The following PACRG variants were observed in gnomAD, a reference collection of about 807,000 sequenced individuals.
PACRG encodes parkin coregulated gene protein.
A neutral mutation model predicts 29.7 loss-of-function variants in PACRG; 29 were observed. That is an observed-to-expected ratio of 0.98 (90% CI 0.73 to 1.33). The LOEUF (loss-of-function observed/expected upper bound fraction) is 1.33. Ranked by LOEUF, PACRG falls within the 40% of genes most tolerant of loss-of-function variation. The probability of loss-of-function intolerance (pLI) is 0.00; values close to 1 mark genes in which losing one functional copy is unlikely to be tolerated. For missense variants in PACRG, 279 were observed against 316.2 expected (o/e 0.88, Z 0.89); for synonymous variants, 116 against 118.7 (o/e 0.98, Z 0.15).
At chr6:162,898,553 C>G (rs1402970134) in intron 2 of PACRG, among the ~76,000 whole-genome samples, 1 of 152,186 alleles carries the variant, frequency 6.6e-6, no homozygotes, top group Non-Finnish European at 1.5e-5. Flanking sequence ...GAGCGATATT[C>G]CCTGAGTTCA....
chr6:162,827,866 A>C (rs910383356), intron 2 of PACRG, among the ~76,000 whole-genome samples: 2 of 151,818 alleles, frequency 1.3e-5, no homozygotes, highest in Non-Finnish European at 2.9e-5. Flanking sequence ...GTCTTTCCTG[A>C]CTTTCCCAGG....
At chr6:162,947,617 T>TATATATATATATATAATC (rs1799300300) in intron 2 of PACRG, among the ~76,000 whole-genome samples, 13 of 38,338 alleles carry the variant, frequency 3.4e-4, no homozygotes, top group Admixed American at 1.4e-3. Context: ...TAATCATATA[T>TATATATATATATATAATC]ATATATATAT....
At chr6:163,162,461 C>G (rs888937498) in intron 4 of PACRG, among the ~76,000 whole-genome samples, 1 of 152,232 alleles carries the variant, frequency 6.6e-6, no homozygotes, top group Non-Finnish European at 1.5e-5. Flanking sequence ...GTCACATGTG[C>G]TTGACACAGG....
At chr6:163,020,017 G>A (rs1038727527) in intron 2 of PACRG, among the ~76,000 whole-genome samples, 5 of 152,156 alleles carry the variant, frequency 3.3e-5, no homozygotes, top group East Asian at 1.9e-4. Flanking sequence ...AGATGTCTTC[G>A]TATTGGCAAA....
intron 2 of PACRG, among the ~76,000 whole-genome samples, chr6:163,040,097 G>T (rs765668892): frequency 6.6e-6 from 1 of 152,236 alleles, no homozygotes; most frequent in Admixed American, 6.5e-5. Flanking sequence ...GGGCCCCACT[G>T]CTCTGAGCGG....
intron 2 of PACRG, among the ~76,000 whole-genome samples, chr6:163,045,026 C>T (rs960267708): frequency 1.3e-5 from 2 of 152,114 alleles, no homozygotes; most frequent in Non-Finnish European, 2.9e-5. Context: ...AATTTTGGTG[C>T]CTGGAGTATC....
chr6:163,106,452 T>G (rs1006749127), intron 4 of PACRG, among the ~76,000 whole-genome samples: 4 of 152,242 alleles, frequency 2.6e-5, no homozygotes, highest in Non-Finnish European at 5.9e-5. Flanking sequence ...TGTTCAATAC[T>G]AATTATTTAC....
At chr6:163,161,637 T>C (rs1778560589) in intron 4 of PACRG, among the ~76,000 whole-genome samples, 4 of 152,212 alleles carry the variant, frequency 2.6e-5, no homozygotes, top group Admixed American at 2.6e-4. Context: ...AAGAATAGAA[T>C]GTGCATGTTT....
chr6:163,118,129 T>C (rs1415088249), intron 4 of PACRG, among the ~76,000 whole-genome samples: 4 of 152,316 alleles, frequency 2.6e-5, no homozygotes, highest in Middle Eastern at 6.8e-3. Flanking sequence ...AGGAATTATT[T>C]CCTCAGAGCA....
intron 1 of PACRG, among the ~76,000 whole-genome samples, chr6:162,798,754 A>T (rs1428532577): frequency 6.6e-6 from 1 of 152,178 alleles, no homozygotes; most frequent in African/African-American, 2.4e-5. Context: ...CTCATATGTC[A>T]TCGTATATTT....
At chr6:163,125,467 C>T (rs2476467) in intron 4 of PACRG, among the ~76,000 whole-genome samples, 46,057 of 152,004 alleles carry the variant, frequency 0.3, 8,659 homozygotes, top group African/African-American at 0.53. Context: ...GCACAGCAAA[C>T]GGCAAATTGG....
chr6:163,154,136 T>C (rs1452149659), intron 4 of PACRG, among the ~76,000 whole-genome samples: 3 of 152,214 alleles, frequency 2.0e-5, no homozygotes, highest in Non-Finnish European at 4.4e-5. Context: ...ATGACCAGAA[T>C]TGGGGTGCCC....
At chr6:162,961,709 T>C (rs1800632118) in intron 2 of PACRG, among the ~76,000 whole-genome samples, 1 of 152,188 alleles carries the variant, frequency 6.6e-6, no homozygotes, top group Non-Finnish European at 1.5e-5. Flanking sequence ...GTCCACCTTC[T>C]CCTCCACCAT....
upstream of PACRG, chr6:162,727,332 G>GGGGCGAAGGTGAGGGGCGGCGGCT: frequency 2.6e-6 from 1 of 391,490 alleles, no homozygotes; most frequent in East Asian, 4.8e-5. Flanking sequence ...GGGCGGCGGC[G>GGGGCGAAGGTGAGGGGCGGCGGCT]GGGAGAAGGC....
chr6:162,882,857 C>T (rs1206479402), intron 2 of PACRG, among the ~76,000 whole-genome samples: 1 of 152,200 alleles, frequency 6.6e-6, no homozygotes, highest in Non-Finnish European at 1.5e-5. Context: ...AGCAGGCTTA[C>T]CCTGAAGTGT....
upstream of PACRG, chr6:162,727,756 G>GAGGATTTAACCCAGGAGA: frequency 7.2e-7 from 1 of 1,393,400 alleles, no homozygotes; most frequent in Non-Finnish European, 9.9e-7. Context: ...GGCTCTCCTG[G>GAGGATTTAACCCAGGAGA]GTTAAATCCT....
chr6:162,807,168 A>T (rs1484886811), intron 1 of PACRG, among the ~76,000 whole-genome samples: 1 of 152,214 alleles, frequency 6.6e-6, no homozygotes, highest in Non-Finnish European at 1.5e-5. Flanking sequence ...CTTTGGCTTG[A>T]GAGAATGTTG....
intron 4 of PACRG, among the ~76,000 whole-genome samples, chr6:163,181,231 C>T (rs1448710690): frequency 6.6e-6 from 1 of 152,168 alleles, no homozygotes; most frequent in Non-Finnish European, 1.5e-5. Context: ...TACTCCCATA[C>T]CTCGGGCTAT....
At chr6:163,198,119 T>C (rs1780551441) in intron 4 of PACRG, among the ~76,000 whole-genome samples, 1 of 152,218 alleles carries the variant, frequency 6.6e-6, no homozygotes, top group Admixed American at 6.5e-5. Context: ...CTCACATACT[T>C]TCCTTTTTCA....
Sources: allele counts gnomAD v4.1 joint callset (sites outside exome capture counted in the v4.1 genomes callset), GRCh38; gene constraint gnomAD v4.1.1; transcripts MANE v1.5; gene names NCBI Gene and HGNC (gene_info 2026-07-23, HGNC 2026-07-21).